Variants in EIF4G3 observed in about 807,000 individuals in gnomAD.
EIF4G3 encodes the protein eukaryotic translation initiation factor 4 gamma 3.
A neutral mutation model predicts 186.4 loss-of-function variants in EIF4G3; 34 were observed. That is an observed-to-expected ratio of 0.18 (90% CI 0.14 to 0.24). The LOEUF (loss-of-function observed/expected upper bound fraction) is 0.24. EIF4G3 is among the 10% of genes least tolerant of loss of function. EIF4G3 has a pLI of 1.00. For synonymous variants in EIF4G3, 673 were observed against 679.5 expected, an observed-to-expected ratio of 0.99 and a Z score of 0.15; for missense variants, 1,536 against 1,948.5, an observed-to-expected ratio of 0.79 and a Z score of 3.99.
At chr1:20,964,955 C>T (rs1471361489) in intron 12 of EIF4G3, among the ~76,000 whole-genome samples, 1 of 152,236 alleles carries the variant, frequency 6.6e-6, no homozygotes, top group African/African-American at 2.4e-5. Flanking sequence ...GTCTTTCTCT[C>T]TCTCTCCACC....
At chr1:21,172,118 C>CAAAA (rs35477282) in intron 2 of EIF4G3, among the ~76,000 whole-genome samples, 2 of 105,554 alleles carry the variant, frequency 1.9e-5, no homozygotes, top group Non-Finnish European at 3.9e-5. Flanking sequence ...CCTCCTCTAG[C>CAAAA]AAAAAAAAAA....
intron 8 of EIF4G3, 28 bp from the exon 9 acceptor site, chr1:20,981,255 T>A: frequency 6.6e-7 from 1 of 1,524,178 alleles, no homozygotes; most frequent in Non-Finnish European, 8.8e-7. Context: ...AAAAAATTTT[T>A]TTTTTTTTTT....
chr1:20,811,254 T>TTTC (rs35618300), intron 35 of EIF4G3, among the ~76,000 whole-genome samples: 91 of 150,804 alleles, frequency 6.0e-4, no homozygotes, highest in Non-Finnish European at 8.5e-4. Context: ...GCTCCTGGCC[T>TTTC]TTCTTCTTCT....
At chr1:21,098,158 T>C (rs1469723423) in intron 2 of EIF4G3, among the ~76,000 whole-genome samples, 5 of 152,170 alleles carry the variant, frequency 3.3e-5, no homozygotes, top group Non-Finnish European at 5.9e-5. Flanking sequence ...GTGAAAGACA[T>C]TGTTATAAGA....
intron 14 of EIF4G3, among the ~76,000 whole-genome samples, chr1:20,921,377 T>A (rs186854269): frequency 4.6e-5 from 7 of 152,186 alleles, no homozygotes; most frequent in Non-Finnish European, 1.0e-4. Context: ...AGTGGCTCAA[T>A]AGAAACCATT....
intron 4 of EIF4G3, among the ~76,000 whole-genome samples, chr1:21,023,856 C>G (rs1197928341): frequency 7.2e-6 from 1 of 138,800 alleles, no homozygotes; most frequent in Non-Finnish European, 1.6e-5. Flanking sequence ...AAGTGAGGAG[C>G]GTCTCTGCCC....
chr1:21,108,650 T>A (rs1285257136), intron 2 of EIF4G3, among the ~76,000 whole-genome samples: 1 of 145,154 alleles, frequency 6.9e-6, no homozygotes, highest in Non-Finnish European at 1.5e-5. Flanking sequence ...ACACCTGTAA[T>A]CCCAGCACTT....
chr1:20,985,188 C>T (rs149985041), intron 7 of EIF4G3, among the ~76,000 whole-genome samples: 1 of 152,216 alleles, frequency 6.6e-6, no homozygotes, highest in East Asian at 1.9e-4. Context: ...GTGGCATGTC[C>T]CTCAATCATG....
At chr1:20,947,980 G>T (rs531025741) in intron 13 of EIF4G3, among the ~76,000 whole-genome samples, 4 of 152,036 alleles carry the variant, frequency 2.6e-5, no homozygotes, top group Admixed American at 2.6e-4. Context: ...AATGGCAAAC[G>T]CAATAATACT....
chr1:21,031,193 A>C (rs995898100), intron 4 of EIF4G3, among the ~76,000 whole-genome samples: 16 of 151,726 alleles, frequency 1.1e-4, no homozygotes, highest in African/African-American at 3.4e-4. Context: ...CAAAAAAAAA[A>C]CACAACAACA....
At chr1:20,992,533 A>ACTCCTC (rs570517408) in intron 7 of EIF4G3, among the ~76,000 whole-genome samples, 2 of 150,806 alleles carry the variant, frequency 1.3e-5, no homozygotes, top group African/African-American at 2.4e-5. Flanking sequence ...TATGGCACAT[A>ACTCCTC]CTCCTCCTCC....
In EIF4G3 at chr1:20,849,050, A is replaced by G. The variant is rs77596831; in HGVS notation, c.3888+365T>C. Among the ~76,000 whole-genome samples, 15 of 141,302 alleles carry G rather than the reference A, an allele frequency of 1.1e-4. 1 individual carries two copies. The highest frequency in any genetic ancestry group is 6.5e-4 in the South Asian group (3 of 4,606). 92.7% of individuals were successfully genotyped at this position (141,302 alleles called of 152,430 possible). A position where few individuals can be genotyped will look rare whatever the true frequency, so the allele number is the denominator to read the frequency against. ...CAACACAGCAAGACTCTGTCTCAAA[A>G]AAAAAAAAAAAAAAAAAAAAAAAAA... On this transcript the variant is annotated intron_variant, in intron 29 of 36. Coordinates refer to ENST00000602326, the MANE Select transcript of EIF4G3 (RefSeq NM_001391906.1).
intron 4 of EIF4G3, among the ~76,000 whole-genome samples, chr1:21,028,733 T>TG (rs1229015418): frequency 6.6e-6 from 1 of 152,232 alleles, no homozygotes; most frequent in Non-Finnish European, 1.5e-5. Flanking sequence ...ATACAGTGTA[T>TG]GGCCTGTCGA....
At chr1:21,024,061 G>A (rs1247220200) in intron 4 of EIF4G3, among the ~76,000 whole-genome samples, 2 of 148,922 alleles carry the variant, frequency 1.3e-5, no homozygotes, top group Non-Finnish European at 3.0e-5. Context: ...CCTCCGCCCG[G>A]CAGCTGCCCC....
intron 20 of EIF4G3, among the ~76,000 whole-genome samples, chr1:20,874,881 ATT>A (rs2080302037): frequency 2.0e-5 from 3 of 152,204 alleles, no homozygotes; most frequent in Admixed American, 2.0e-4. Context: ...GTGTAGTAGG[ATT>A]CTATGTTTCT....
At chr1:21,113,241 A>G (rs2096758964) in intron 2 of EIF4G3, among the ~76,000 whole-genome samples, 2 of 149,550 alleles carry the variant, frequency 1.3e-5, no homozygotes, top group Non-Finnish European at 3.0e-5. Flanking sequence ...AATCACTTTC[A>G]TGTCTGGTTT....
intron 3 of EIF4G3, among the ~76,000 whole-genome samples, chr1:21,085,255 G>A (rs1483484000): frequency 6.6e-6 from 1 of 152,062 alleles, no homozygotes; most frequent in Non-Finnish European, 1.5e-5. Flanking sequence ...ATTAAATGGT[G>A]AAAGTATACT....
intron 2 of EIF4G3, among the ~76,000 whole-genome samples, chr1:21,103,727 C>T (rs2096566837): frequency 6.6e-6 from 1 of 152,004 alleles, no homozygotes; most frequent in Non-Finnish European, 1.5e-5. Context: ...GTCTGTAGTC[C>T]CAGCTACTTG....
At chr1:20,994,745 A>G (rs891803346) in intron 7 of EIF4G3, among the ~76,000 whole-genome samples, 1 of 150,030 alleles carries the variant, frequency 6.7e-6, no homozygotes, top group African/African-American at 2.5e-5. Context: ...CTCCTACCTC[A>G]GCCTCCCAGA....
Sources: allele counts gnomAD v4.1 joint callset (sites outside exome capture counted in the v4.1 genomes callset), GRCh38; gene constraint gnomAD v4.1.1; transcripts MANE v1.5; gene names NCBI Gene and HGNC (gene_info 2026-07-23, HGNC 2026-07-21).